The following SLC14A2 variants were observed in gnomAD, a reference collection of about 807,000 sequenced individuals.
SLC14A2 encodes the protein solute carrier family 14 member 2.
SLC14A2 carries 91 observed loss-of-function variants against 104.6 expected under a neutral mutation model. The observed-to-expected ratio is 0.87, with a 90% CI of 0.73 to 1.04. The LOEUF (loss-of-function observed/expected upper bound fraction) is 1.04, where lower values mean the gene tolerates loss of function less well. Among genes scored for constraint, SLC14A2 ranks in the 50% least tolerant of loss-of-function variants. The pLI, the probability that SLC14A2 is intolerant of heterozygous loss-of-function variation, is 0.00. For missense variants in SLC14A2, 1,189 were observed against 1,156.0 expected, an observed-to-expected ratio of 1.03 and a Z score of -0.41; for synonymous variants, 476 against 466.4, an observed-to-expected ratio of 1.02 and a Z score of -0.27.
At chr18:45,261,475 G>A (rs2084536704) in intron 1 of SLC14A2, among the ~76,000 whole-genome samples, 1 of 151,610 alleles carries the variant, frequency 6.6e-6, no homozygotes, top group African/African-American at 2.4e-5. Context: ...AGTTACATAT[G>A]TATATATGTG....
the SLC14A2 span, among the ~76,000 whole-genome samples, chr18:45,181,823 CTCTT>C: frequency 1.4e-4 from 21 of 152,168 alleles, no homozygotes; most frequent in Middle Eastern, 3.4e-3. Context: ...ATCTGTGCGA[CTCTT>C]TATTAAGTAG....
intron 1 of SLC14A2, among the ~76,000 whole-genome samples, chr18:45,298,820 T>C (rs1202868106): frequency 6.6e-6 from 1 of 152,206 alleles, no homozygotes; most frequent in Non-Finnish European, 1.5e-5. Context: ...GGGGACCTTG[T>C]GCCCCCAAAG....
chr18:45,451,565 C>A (rs1231749942), intron 1 of SLC14A2, among the ~76,000 whole-genome samples: 2 of 151,672 alleles, frequency 1.3e-5, no homozygotes, highest in South Asian at 2.1e-4. Flanking sequence ...TTCTTATTCC[C>A]AAAATTGAAT....
intron 1 of SLC14A2, among the ~76,000 whole-genome samples, chr18:45,305,280 G>C (rs190651054): frequency 6.6e-6 from 1 of 152,350 alleles, no homozygotes; most frequent in African/African-American, 2.4e-5. Flanking sequence ...GGGCACCCAA[G>C]GGTGAGTCAA....
At chr18:45,621,872 G>A (rs2144493424) in intron 1 of SLC14A2, among the ~76,000 whole-genome samples, 1 of 152,292 alleles carries the variant, frequency 6.6e-6, no homozygotes, top group South Asian at 2.1e-4. Flanking sequence ...AGAAGTGTAG[G>A]GGTTGACCAG....
intron 2 of SLC14A2, among the ~76,000 whole-genome samples, chr18:45,544,059 G>A (rs1422677119): frequency 6.6e-6 from 1 of 152,202 alleles, no homozygotes; most frequent in Non-Finnish European, 1.5e-5. Flanking sequence ...ACTGGGAGAG[G>A]GTTCTAGAAA....
At chr18:45,184,724 T>C in the SLC14A2 span, among the ~76,000 whole-genome samples, 1 of 152,202 alleles carries the variant, frequency 6.6e-6, no homozygotes. Context: ...TCAGCTGCAA[T>C]TAACAGATAA....
At chr18:45,554,747 C>T (rs966875999) in intron 2 of SLC14A2, among the ~76,000 whole-genome samples, 1 of 152,072 alleles carries the variant, frequency 6.6e-6, no homozygotes, top group African/African-American at 2.4e-5. Flanking sequence ...GGGTATAAGA[C>T]CAGTTCCAAG....
intron 3 of SLC14A2, 102 bp from the exon 4 acceptor site, chr18:45,626,856 T>A: frequency 1.8e-5 from 11 of 617,278 alleles, no homozygotes; most frequent in Admixed American, 2.4e-5. Flanking sequence ...GGAAGGGTCC[T>A]GGCTTGCACA....
intron 2 of SLC14A2, among the ~76,000 whole-genome samples, chr18:45,591,412 T>A (rs1264769931): frequency 6.6e-6 from 1 of 152,214 alleles, no homozygotes; most frequent in African/African-American, 2.4e-5. Context: ...CTCAGCTCAC[T>A]GCAACTTCCG....
intron 1 of SLC14A2, among the ~76,000 whole-genome samples, chr18:45,366,494 T>C (rs919688839): frequency 2.0e-5 from 3 of 152,202 alleles, no homozygotes. Flanking sequence ...ATGTGGAAGA[T>C]GGATCCCCAG....
At chr18:45,324,414 C>A (rs1381261230) in intron 1 of SLC14A2, among the ~76,000 whole-genome samples, 1 of 152,068 alleles carries the variant, frequency 6.6e-6, no homozygotes, top group Admixed American at 6.6e-5. Context: ...CTTTTTTATT[C>A]CTCCCCCAAG....
At chr18:45,505,801 G>T (rs919156882) in intron 2 of SLC14A2, among the ~76,000 whole-genome samples, 1 of 152,108 alleles carries the variant, frequency 6.6e-6, no homozygotes, top group Admixed American at 6.5e-5. Flanking sequence ...GCCGATGTTT[G>T]TGTACAGACC....
At chr18:45,453,847 GTTTTTTTTTTTTTTTT>G (rs56084837) in intron 1 of SLC14A2, among the ~76,000 whole-genome samples, 1 of 91,344 alleles carries the variant, frequency 1.1e-5, no homozygotes, top group Non-Finnish European at 2.1e-5. Context: ...TTTCTTTTCT[GTTTTTTTTTTTTTTTT>G]TTTTTTTTTT....
At chr18:45,493,845 C>T (rs1458803157) in intron 2 of SLC14A2, among the ~76,000 whole-genome samples, 1 of 152,188 alleles carries the variant, frequency 6.6e-6, no homozygotes, top group Non-Finnish European at 1.5e-5. Context: ...TATTTGAATT[C>T]AGTGGGTAAG....
chr18:45,205,775 C>T, the SLC14A2 span, among the ~76,000 whole-genome samples: 59 of 152,294 alleles, frequency 3.9e-4, no homozygotes, highest in African/African-American at 1.3e-3. Context: ...CTGGACCTAT[C>T]CAGGAATCCA....
chr18:45,386,770 T>C (rs531248112), intron 1 of SLC14A2, among the ~76,000 whole-genome samples: 2 of 152,300 alleles, frequency 1.3e-5, no homozygotes, highest in Admixed American at 1.3e-4. Flanking sequence ...AAACTGTTGA[T>C]TAACCTCCAA....
chr18:45,169,877 G>T, the SLC14A2 span, among the ~76,000 whole-genome samples: 2 of 152,120 alleles, frequency 1.3e-5, no homozygotes. Context: ...GGACCACCCA[G>T]TATCCTTGCT....
intron 1 of SLC14A2, among the ~76,000 whole-genome samples, chr18:45,377,610 G>T (rs561135488): frequency 5.9e-5 from 9 of 151,980 alleles, no homozygotes; most frequent in Admixed American, 1.3e-4. Flanking sequence ...ACAGGTCCTT[G>T]CTTCTCAACA....
Sources: gnomAD v4.1 joint callset for allele counts (sites outside exome capture counted in the v4.1 genomes callset) on GRCh38, gnomAD v4.1.1 for gene constraint, MANE v1.5 for transcripts, NCBI Gene and HGNC (gene_info 2026-07-23, HGNC 2026-07-21) for gene names.